RABL6: variants seen among roughly 807,000 people sequenced by gnomAD.
RABL6 encodes the protein rab-like protein 6.
A neutral mutation model predicts 72.9 loss-of-function variants in RABL6; 28 were observed. The ratio of observed to expected loss-of-function variants is 0.38; its 90% confidence interval spans 0.28 to 0.53. The LOEUF (loss-of-function observed/expected upper bound fraction) is 0.53. Among genes scored for constraint, RABL6 ranks in the 20% least tolerant of loss-of-function variants. The pLI is 0.80. For missense variants in RABL6, 1,029 were observed against 1,008.4 expected, an observed-to-expected ratio of 1.02 and a Z score of -0.28; for synonymous variants, 477 against 421.2, an observed-to-expected ratio of 1.13 and a Z score of -1.62.
At position 136,831,169 on chromosome 9, in the gene RABL6, C is replaced by T. The variant is rs72761037; in HGVS notation, c.459-552C>T. 52 of 154,770 alleles carry T rather than the reference C, an allele frequency of 3.4e-4. 2 individuals are homozygous for T. The highest frequency in any genetic ancestry group is 9.1e-4 in the African/African-American group (38 of 41,656). 9.6% of individuals were successfully genotyped at this position (154,770 alleles called of 1,614,324 possible). ...TCTTCACAAGCCATTTGGAAAACCA[C>T]GCAGCTGGGAAACTGGCAGTTCCAC... On this transcript the variant is annotated intron_variant, in intron 5 of 14. Coordinates refer to ENST00000311502, the MANE Select transcript of RABL6 (RefSeq NM_024718.5).
rs780894977 is a variant in RABL6, at chr9:136,839,694, G to A, written c.1759G>A (p.Asp587Asn). 1 of 1,579,938 alleles carries A rather than the reference G, an allele frequency of 6.3e-7. No homozygotes were observed. The highest frequency in any genetic ancestry group is 1.7e-5 in the Admixed American group (1 of 58,016). ...SEGSDTQRRA[D>N]DFPVRDDPSD... ...TGACCAGTTGCTCTCCCTGCTCCAG[G>A]ATGACTTTCCCGTGCGAGATGACCC... is the stretch of plus-strand genomic sequence containing the variant. Residue 587 changes from aspartate (D) to asparagine (N), a missense_variant and splice_region_variant, in exon 13 of 15, where the codon GAT (aspartate) becomes AAT (asparagine). By Grantham distance (23) the Asp-to-Asn change is conservative. Transcript: ENST00000311502.
chr9:136,836,929 A>G (rs944392054), intron 8 of RABL6: 10 of 351,804 alleles, frequency 2.8e-5, no homozygotes, highest in Admixed American at 2.0e-4. Flanking sequence ...GCTGGAGCGC[A>G]GTGGTGTGAT....
chr9:136,841,038 C>T lies in RABL6; in HGVS notation c.*516C>T, dbSNP rs1431818377. 57 of 1,428,938 alleles carry T rather than the reference C, an allele frequency of 4.0e-5. No homozygotes were observed. Among genetic ancestry groups the T allele is most frequent in the Non-Finnish European group, 2.0e-5 (22 of 1,090,466 alleles). The allele number at this position is 1,428,938 out of a possible 1,614,324, so 88.5% of individuals were successfully genotyped here. ...GCTAGAAGGCTGGCGAGACCGAAGG[C>T]AGCATGTGAGGCCTCTCCTGGGAGT... On this transcript the variant is annotated 3_prime_UTR_variant, in exon 15 of 15. Coordinates refer to ENST00000311502, the MANE Select transcript of RABL6 (RefSeq NM_024718.5).
intron 2 of RABL6, 88 bp downstream of exon 2, chr9:136,823,747 G>T: frequency 6.9e-7 from 1 of 1,444,638 alleles, no homozygotes; most frequent in Non-Finnish European, 9.2e-7. Flanking sequence ...CCCCAGAGGG[G>T]GTCTCCCCGA....
chr9:136,834,091 G>C, intron 7 of RABL6: 1 of 1,358,794 alleles, frequency 7.4e-7, no homozygotes, highest in Non-Finnish European at 9.5e-7. Context: ...AAGCAGATCT[G>C]ATGTCCTCGC....
chr9:136,812,417 G>C (rs1179585074), intron 1 of RABL6, among the ~76,000 whole-genome samples: 2 of 152,162 alleles, frequency 1.3e-5, no homozygotes, highest in Admixed American at 6.5e-5. Context: ...AAATTAGCCA[G>C]GTGTGGTGGC....
chr9:136,839,782 TC>T lies in RABL6; in HGVS notation c.1851del (p.Ala618ProfsTer4). ...CCGCCCCCACCCCCCAAGCTCCCTC[TC>T]CCCGCCTTCAGACTGAAGAATGACT... ...AEPPPPPKLP[L>X]PAFRLKNDSD... is the part of the protein sequence containing the mutation. On this transcript the variant is annotated frameshift_variant, in exon 13 of 15. Coordinates refer to ENST00000311502, the MANE Select transcript of RABL6 (RefSeq NM_024718.5). LOFTEE classifies it high-confidence loss of function. 4 of 1,612,600 alleles carry T rather than the reference TC, an allele frequency of 2.5e-6. No homozygotes were observed. Among genetic ancestry groups the T allele is most frequent in the Non-Finnish European group, 3.4e-6 (4 of 1,179,736 alleles).
rs769340573 is a variant in RABL6, at chr9:136,835,789, C to T, written c.753C>T (p.Asp251=). The change falls in exon 8 of 15, where the codon GAC becomes GAT. Residue 251 remains aspartate, a synonymous_variant. Transcript: ENST00000311502. Reference sequence around the variant, plus strand: ...TGGAGACGAACCAGCTGGACATGGACGCCACGCTGGAGGAGCTGTCGGTGC... The same window carrying T: ...TGGAGACGAACCAGCTGGACATGGATGCCACGCTGGAGGAGCTGTCGGTGC... ...RQLETNQLDM[D]ATLEELSVQQ... is the part of the protein sequence containing the mutation. The T allele has an allele frequency of 5.1e-5, 80 of 1,553,874 alleles. No individual in the cohort carries two copies. The highest frequency in any genetic ancestry group is 1.7e-4 in the East Asian group (7 of 41,212).
chr9:136,813,719 C>T (rs1346934084), intron 1 of RABL6: 1 of 193,206 alleles, frequency 5.2e-6, no homozygotes, highest in South Asian at 8.7e-5. Flanking sequence ...AAGTTTGCGC[C>T]ATTTTCCTGC....
chr9:136,822,263 C>G (rs571493487), intron 1 of RABL6, among the ~76,000 whole-genome samples: 1 of 152,270 alleles, frequency 6.6e-6, no homozygotes, highest in African/African-American at 2.4e-5. Flanking sequence ...GCGGGAGGCC[C>G]GAGACCTGGG....
At chr9:136,828,426 A>G in intron 3 of RABL6, 68 bp from the exon 4 acceptor site, 1 of 1,529,618 alleles carries the variant, frequency 6.5e-7, no homozygotes, top group African/African-American at 1.4e-5. Flanking sequence ...CCATGGGGGG[A>G]CCATGCTCCT....
chr9:136,821,257 C>T (rs1226889926), intron 1 of RABL6: 5 of 912,714 alleles, frequency 5.5e-6, no homozygotes, highest in Non-Finnish European at 6.5e-6. Flanking sequence ...GACGTCAGCG[C>T]GTTGGTTCTG....
chr9:136,838,584 T>C (rs1757163001), intron 10 of RABL6, among the ~76,000 whole-genome samples: 1 of 152,230 alleles, frequency 6.6e-6, no homozygotes, highest in African/African-American at 2.4e-5. Context: ...GGGCAGCGGC[T>C]TCCTCCAGAA....
chr9:136,835,765 G>A lies in RABL6; in HGVS notation c.729G>A (p.Leu243=). The change falls in exon 8 of 15, where the codon CTG becomes CTA. Residue 243 remains leucine (L), a synonymous_variant. Coordinates refer to ENST00000311502, the MANE Select transcript of RABL6 (RefSeq NM_024718.5). ...AGAGGGAGACGCTGTTGCGGCAGCT[G>A]GAGACGAACCAGCTGGACATGGACG... ...QLQRETLLRQ[L]ETNQLDMDAT... 6.5e-7 allele frequency: 1 copy of A among 1,550,386 alleles called. No homozygotes were observed.
chr9:136,818,362 C>CAAAAAAAAAAA (rs1564360781), intron 1 of RABL6, among the ~76,000 whole-genome samples: 2 of 15,002 alleles, frequency 1.3e-4, no homozygotes, highest in Non-Finnish European at 2.4e-4. Flanking sequence ...GACTCTGTCT[C>CAAAAAAAAAAA]AAAAAAAAAA....
In RABL6 at chr9:136,835,869, C is replaced by T. The variant is rs774487303; in HGVS notation, c.809+24C>T. On this transcript the variant is annotated intron_variant, in intron 8 of 14. Transcript: ENST00000311502. ...ATGTATGTGGCCGGACCCGCCCGTG[C>T]GGGCGGTGTGGGGGCTGCGGGCGTG... is the stretch of plus-strand genomic sequence containing the variant. 2.5e-5 allele frequency: 38 copies of T among 1,546,048 alleles called. No homozygotes were observed. The Admixed American group carries it at 2.6e-4, about 10-fold the overall frequency.
At chr9:136,818,362 C>CAAAAAAAAAA (rs1564360781) in intron 1 of RABL6, among the ~76,000 whole-genome samples, 2 of 15,004 alleles carry the variant, frequency 1.3e-4, no homozygotes, top group Non-Finnish European at 2.4e-4. Flanking sequence ...GACTCTGTCT[C>CAAAAAAAAAA]AAAAAAAAAA....
At chr9:136,832,666 G>A (rs1330050880) in intron 7 of RABL6, 4 of 425,634 alleles carry the variant, frequency 9.4e-6, no homozygotes, top group East Asian at 1.0e-4. Flanking sequence ...AGGTCTTGCT[G>A]TGTGGCCCAG....
chr9:136,819,324 GAAAAAAAA>G (rs57726746), intron 1 of RABL6, among the ~76,000 whole-genome samples: 2 of 58,936 alleles, frequency 3.4e-5, no homozygotes, highest in Non-Finnish European at 4.6e-5. Flanking sequence ...TCCGTCTCAA[GAAAAAAAA>G]AAAAAAAAAA....
Sources: allele counts gnomAD v4.1 joint callset (sites outside exome capture counted in the v4.1 genomes callset), GRCh38; gene constraint gnomAD v4.1.1; transcripts MANE v1.5; gene names NCBI Gene and HGNC (gene_info 2026-07-23, HGNC 2026-07-21).